LRRIQ1: variants seen among roughly 807,000 people sequenced by gnomAD.
LRRIQ1 encodes leucine rich repeats and IQ motif containing 1.
LRRIQ1 carries 210 observed loss-of-function variants against 211.9 expected under a neutral mutation model. That is an observed-to-expected ratio of 0.99 (90% CI 0.89 to 1.11). LRRIQ1 has a LOEUF of 1.11. LRRIQ1 is among the 50% of genes most tolerant of loss of function. LRRIQ1 has a pLI of 0.00. For missense variants in LRRIQ1, 2,136 were observed against 1,939.5 expected (o/e 1.10, Z -1.90); for synonymous variants, 699 against 650.1 (o/e 1.08, Z -1.14).
intron 24 of LRRIQ1, among the ~76,000 whole-genome samples, chr12:85,205,433 G>A (rs1348540060): frequency 1.3e-5 from 2 of 152,268 alleles, no homozygotes; most frequent in South Asian, 2.1e-4. Flanking sequence ...GGCCCCCATT[G>A]TCTTCTGGCT....
intron 19 of LRRIQ1, among the ~76,000 whole-genome samples, chr12:85,151,850 T>G (rs940230500): frequency 6.6e-6 from 1 of 151,642 alleles, no homozygotes; most frequent in Non-Finnish European, 1.5e-5. Context: ...AAAAAAAATT[T>G]AAGAAAAAGC....
intron 26 of LRRIQ1, among the ~76,000 whole-genome samples, chr12:85,240,907 C>T (rs888855744): frequency 1.3e-5 from 2 of 151,908 alleles, no homozygotes; most frequent in African/African-American, 4.8e-5. Context: ...TTTGGGAAGA[C>T]GGAATAGATT....
downstream of LRRIQ1, among the ~76,000 whole-genome samples, chr12:85,269,398 T>C (rs1011129389): frequency 1.3e-5 from 2 of 152,056 alleles, no homozygotes; most frequent in Non-Finnish European, 2.9e-5. Flanking sequence ...AATTCAAATA[T>C]GAAGCGATAA....
chr12:85,269,970 T>C, the LRRIQ1 span, among the ~76,000 whole-genome samples: 1 of 151,996 alleles, frequency 6.6e-6, no homozygotes, highest in East Asian at 1.9e-4. Context: ...TCTTACTATA[T>C]CTTCACATAT....
chr12:85,254,282 T>A (rs1478954184), intron 1 of LRRIQ1, among the ~76,000 whole-genome samples: 2 of 152,152 alleles, frequency 1.3e-5, no homozygotes, highest in Non-Finnish European at 2.9e-5. Flanking sequence ...GTCTCAGGTA[T>A]TGCTTTACAG....
intron 23 of LRRIQ1, among the ~76,000 whole-genome samples, chr12:85,155,540 C>T (rs1890496812): frequency 6.6e-6 from 1 of 151,526 alleles, no homozygotes; most frequent in Non-Finnish European, 1.5e-5. Flanking sequence ...CAAAAACATT[C>T]TTTAAACAAC....
In LRRIQ1 at chr12:85,182,589, A is replaced by G. The variant is rs190671771; in HGVS notation, c.4822+21875A>G. Among the ~76,000 whole-genome samples, 29 of 152,262 alleles carry G rather than the reference A, an allele frequency of 1.9e-4. No individual in the cohort carries two copies. The East Asian group carries it at 5.0e-3, about 26-fold the overall frequency. On this transcript the variant is annotated intron_variant, in intron 24 of 26. Coordinates refer to ENST00000393217, the MANE Select transcript of LRRIQ1 (RefSeq NM_001079910.2). ...AAAAATTATATCATAAAAGAGAAAC[A>G]TCTTTCTTAAAATTCTAAATCATGT...
intron 26 of LRRIQ1, among the ~76,000 whole-genome samples, chr12:85,242,621 A>G (rs561575707): frequency 4.1e-4 from 62 of 151,952 alleles, no homozygotes; most frequent in Non-Finnish European, 8.5e-4. Context: ...CCATTTCTCT[A>G]TTTTTTAACA....
At chr12:85,227,397 G>A (rs920648763) in intron 24 of LRRIQ1, among the ~76,000 whole-genome samples, 3 of 152,052 alleles carry the variant, frequency 2.0e-5, no homozygotes, top group East Asian at 1.9e-4. Context: ...TTAGTATTAG[G>A]TAGATTTGCA....
downstream of LRRIQ1, among the ~76,000 whole-genome samples, chr12:85,267,911 C>A (rs1190165425): frequency 1.3e-5 from 2 of 151,936 alleles, no homozygotes; most frequent in African/African-American, 4.8e-5. Context: ...GTTTCCTTAC[C>A]ATTAAGTTCA....
Position 85,244,895 on chromosome 12 carries a change from C to G in LRRIQ1, c.5123C>G (p.Ser1708Ter). 6.2e-7 allele frequency: 1 copy of G among 1,611,332 alleles called. No homozygotes were observed. Among genetic ancestry groups the G allele is most frequent in the East Asian group, 2.2e-5 (1 of 44,798 alleles). ...AAAAAAAATCAGGCACACAGACACT[C>G]AGCAGGATCTTCAAGTAAGTTGTGG... ...REKKNQAHRHSAGSSSKLWFP... is the reference protein window; with the variant it reads ...REKKNQAHRH Residue 1708 changes from serine (S) to a stop codon, truncating the protein, a stop_gained, in exon 27 of 27, where the codon TCA (serine) becomes TGA (stop). Coordinates refer to ENST00000393217, the MANE Select transcript of LRRIQ1 (RefSeq NM_001079910.2). LOFTEE classifies it high-confidence loss of function.
At chr12:85,185,971 T>A (rs1313516524) in intron 24 of LRRIQ1, among the ~76,000 whole-genome samples, 1 of 152,056 alleles carries the variant, frequency 6.6e-6, no homozygotes, top group Non-Finnish European at 1.5e-5. Flanking sequence ...ACTATTTTTA[T>A]TGTTTTAAGT....
intron 6 of LRRIQ1, 83 bp from the exon 7 acceptor site, chr12:85,052,094 T>C (rs547529734): frequency 2.5e-6 from 2 of 796,716 alleles, no homozygotes; most frequent in South Asian, 4.1e-5. Flanking sequence ...TGTTTACAAA[T>C]ATATGTTATG....
chr12:85,151,640 G>T (rs1249188209), intron 19 of LRRIQ1, among the ~76,000 whole-genome samples: 3 of 151,378 alleles, frequency 2.0e-5, no homozygotes. Context: ...GAGTAAATTT[G>T]GAAATTCCAT....
At chr12:85,191,922 T>C (rs1892531421) in intron 24 of LRRIQ1, among the ~76,000 whole-genome samples, 1 of 151,920 alleles carries the variant, frequency 6.6e-6, no homozygotes, top group Non-Finnish European at 1.5e-5. Context: ...TCTTCCTTGG[T>C]GTGGTGTCTA....
chr12:85,256,773 T>C (rs948660782), intron 1 of LRRIQ1, among the ~76,000 whole-genome samples: 1 of 151,024 alleles, frequency 6.6e-6, no homozygotes, highest in Admixed American at 6.7e-5. Flanking sequence ...GAAAGTTCCA[T>C]TGAAAGAAAT....
chr12:85,231,282 T>TA, intron 25 of LRRIQ1, among the ~76,000 whole-genome samples: 1 of 152,170 alleles, frequency 6.6e-6, no homozygotes, highest in Non-Finnish European at 1.5e-5. Context: ...TTAATTCATT[T>TA]AAAAATGTGA....
At chr12:85,262,842 A>G in intron 1 of LRRIQ1, 2 of 756,448 alleles carry the variant, frequency 2.6e-6, no homozygotes, top group South Asian at 6.0e-5. Context: ...TGACTTAAAT[A>G]TATTTCTTAC....
intron 6 of LRRIQ1, among the ~76,000 whole-genome samples, chr12:85,049,387 A>G (rs549352927): frequency 6.6e-6 from 1 of 152,202 alleles, no homozygotes; most frequent in African/African-American, 2.4e-5. Context: ...ATCCTTTTTA[A>G]AATTATTATT....
Sources: gnomAD v4.1 joint callset for allele counts (sites outside exome capture counted in the v4.1 genomes callset) on GRCh38, gnomAD v4.1.1 for gene constraint, MANE v1.5 for transcripts, NCBI Gene and HGNC (gene_info 2026-07-23, HGNC 2026-07-21) for gene names.